CSRP3: variants seen among roughly 807,000 people sequenced by gnomAD.
CSRP3 encodes the protein cysteine and glycine rich protein 3, also known as cysteine and glycine-rich protein 3.
A neutral mutation model predicts 24.3 loss-of-function variants in CSRP3; 24 were observed. The ratio of observed to expected loss-of-function variants is 0.99; its 90% confidence interval spans 0.71 to 1.39. CSRP3 has a LOEUF of 1.39. Among genes scored for constraint, CSRP3 ranks in the 40% most tolerant of loss-of-function variants. The pLI is 0.00. For missense variants in CSRP3, 240 were observed against 249.0 expected (o/e 0.96, Z 0.24); for synonymous variants, 105 against 94.0 (o/e 1.12, Z -0.68).
intron 2 of CSRP3, among the ~76,000 whole-genome samples, chr11:19,192,009 C>A (rs111295805): frequency 3.8e-4 from 58 of 152,300 alleles, no homozygotes; most frequent in African/African-American, 1.4e-3. Context: ...CCTTTCTCTG[C>A]CAAGTCACAT....
rs1199806975 is a variant in CSRP3 at position 19,182,654 on chromosome 11, G to C, written c.*16C>G. 6.2e-7 allele frequency: 1 copy of C among 1,612,824 alleles called. No homozygotes were observed. Among genetic ancestry groups the C allele is most frequent in the South Asian group, 1.1e-5 (1 of 91,046 alleles). On this transcript the variant is annotated 3_prime_UTR_variant, in exon 6 of 6. Coordinates refer to ENST00000265968, the MANE Select transcript of CSRP3 (RefSeq NM_003476.5). ...TGTTTTAGGCTCGCAAAAAATCTGA[G>C]AAACGGCGCACCTCTTCATTCTTTC...
intron 1 of CSRP3, among the ~76,000 whole-genome samples, chr11:19,201,412 G>C (rs557857833): frequency 5.9e-5 from 9 of 152,332 alleles, no homozygotes; most frequent in Admixed American, 2.6e-4. Flanking sequence ...ATTGAGCATG[G>C]GAAAGCTGTC....
intron 5 of CSRP3, among the ~76,000 whole-genome samples, chr11:19,182,962 G>C (rs1281649179): frequency 6.6e-6 from 1 of 152,094 alleles, no homozygotes; most frequent in Admixed American, 6.6e-5. Context: ...TTTGAGACCA[G>C]CCTGGCCAAC....
rs1850452514 is a variant in CSRP3 at position 19,182,530 on chromosome 11, A to G, written c.*140T>C. 2.5e-6 allele frequency: 2 copies of G among 799,774 alleles called. No homozygotes were observed. The highest frequency in any genetic ancestry group is 4.5e-6 in the Non-Finnish European group (2 of 444,694). 49.5% of individuals were successfully genotyped at this position (799,774 alleles called of 1,614,324 possible). On this transcript the variant is annotated 3_prime_UTR_variant, in exon 6 of 6. Transcript: ENST00000265968. ...CCAAAGGCCTCTTCTAACATTCAGT[A>G]AAGACCTGATCACTTCTGAGGAGAA...
chr11:19,186,190 T>C, intron 4 of CSRP3, 26 bp downstream of exon 4: 2 of 1,614,186 alleles, frequency 1.2e-6, no homozygotes, highest in Non-Finnish European at 1.7e-6. Context: ...GAGCAAATTC[T>C]GTCTGGCTCA....
At chr11:19,192,244 G>A (rs1850627024) in intron 2 of CSRP3, 93 bp downstream of exon 2, 11 of 873,068 alleles carry the variant, frequency 1.3e-5, no homozygotes, top group Admixed American at 5.5e-5. Context: ...ACCACACTAT[G>A]AGAACCACTG....
At chr11:19,201,602 G>T (rs75264737) in intron 1 of CSRP3, among the ~76,000 whole-genome samples, 5 of 152,266 alleles carry the variant, frequency 3.3e-5, no homozygotes, top group African/African-American at 9.6e-5. Context: ...AGACGAGAAG[G>T]TCAGCAGACT....
intron 2 of CSRP3, among the ~76,000 whole-genome samples, chr11:19,188,882 T>G (rs997062528): frequency 1.3e-5 from 2 of 152,104 alleles, no homozygotes; most frequent in African/African-American, 4.8e-5. Context: ...AGGCTTCTAT[T>G]GGCTCAAGCC....
intron 1 of CSRP3, among the ~76,000 whole-genome samples, chr11:19,201,115 A>G (rs1850832256): frequency 6.6e-6 from 1 of 152,068 alleles, no homozygotes; most frequent in Non-Finnish European, 1.5e-5. Flanking sequence ...ATTCTCAATC[A>G]CACCTATGTC....
intron 1 of CSRP3, among the ~76,000 whole-genome samples, chr11:19,197,368 C>T (rs78149891): frequency 1.1e-3 from 37 of 32,290 alleles, no homozygotes; most frequent in Non-Finnish European, 1.7e-3. Context: ...CTCCCTCCCT[C>T]CCTCCCTCCC....
rs115218580 is a variant in CSRP3 at position 19,186,550 on chromosome 11, C to T, written c.282-202G>A. Among the ~76,000 whole-genome samples the T allele has an allele frequency of 2.8e-3, 432 of 152,212 alleles. 3 individuals are homozygous for T. Among genetic ancestry groups the T allele is most frequent in the African/African-American group, 9.9e-3 (411 of 41,522 alleles). ...TTTGTAAAGCACTTAGAACAGTGCC[C>T]GCCTGGCATGTAGTAAGGGCTAATA... On this transcript the variant is annotated intron_variant, in intron 3 of 5. Transcript: ENST00000265968.
intron 2 of CSRP3, 82 bp downstream of exon 2, chr11:19,192,255 G>A (rs1264659049): frequency 2.2e-6 from 2 of 921,286 alleles, no homozygotes; most frequent in Non-Finnish European, 3.6e-6. Flanking sequence ...AGAACCACTG[G>A]CATACAGTGT....
At chr11:19,193,412 T>A (rs1037525105) in intron 1 of CSRP3, among the ~76,000 whole-genome samples, 1 of 152,208 alleles carries the variant, frequency 6.6e-6, no homozygotes, top group Non-Finnish European at 1.5e-5. Context: ...ATTGGAGACA[T>A]TCAGCTACAA....
At chr11:19,191,624 T>C (rs1056469145) in intron 2 of CSRP3, among the ~76,000 whole-genome samples, 9 of 152,192 alleles carry the variant, frequency 5.9e-5, no homozygotes, top group African/African-American at 2.2e-4. Context: ...CAGATGCACA[T>C]GACCCGGGCT....
chr11:19,197,601 G>A (rs1461648972), intron 1 of CSRP3, among the ~76,000 whole-genome samples: 1 of 128,994 alleles, frequency 7.8e-6, no homozygotes, highest in Non-Finnish European at 1.6e-5. Context: ...CTATAAAGCT[G>A]AGCAATGATG....
At chr11:19,197,223 AT>A (rs145571377) in intron 1 of CSRP3, among the ~76,000 whole-genome samples, 7,982 of 152,250 alleles carry the variant, frequency 0.052, 325 homozygotes, top group Middle Eastern at 0.12. Flanking sequence ...GTAATATAAA[AT>A]GTGAGAACCA....
chr11:19,195,049 C>A (rs1183349729), intron 1 of CSRP3, among the ~76,000 whole-genome samples: 3 of 151,900 alleles, frequency 2.0e-5, no homozygotes, highest in Non-Finnish European at 4.4e-5. Flanking sequence ...GACTGGCTCC[C>A]CACATTTAGT....
Position 19,200,113 on chromosome 11 carries a change from G to A in CSRP3, c.-29+1841C>T, listed in dbSNP as rs1465120881. On this transcript the variant is annotated intron_variant, in intron 1 of 5. Transcript: ENST00000265968. ...CAGGAAACCCCCCCAAAACCCACTG[G>A]GTTTGGCTGTATGCCTTTTCTCAAC... Among the ~76,000 whole-genome samples, 2 of 152,076 alleles carry A rather than the reference G, an allele frequency of 1.3e-5. 1 individual carries two copies. Among genetic ancestry groups the A allele is most frequent in the Admixed American group, 1.3e-4 (2 of 15,272 alleles).
intron 3 of CSRP3, among the ~76,000 whole-genome samples, chr11:19,186,556 G>A (rs1850530106): frequency 1.3e-5 from 2 of 152,220 alleles, no homozygotes; most frequent in African/African-American, 4.8e-5. Context: ...TGCCCGCCTG[G>A]CATGTAGTAA....
Sources: allele counts gnomAD v4.1 joint callset (sites outside exome capture counted in the v4.1 genomes callset), GRCh38; gene constraint gnomAD v4.1.1; transcripts MANE v1.5; gene names NCBI Gene and HGNC (gene_info 2026-07-23, HGNC 2026-07-21).